The following PTPRD variants were observed in gnomAD, a reference collection of about 807,000 sequenced individuals.
PTPRD encodes protein tyrosine phosphatase receptor type D.
In PTPRD, 34 loss-of-function variants were observed where a neutral mutation model predicts 214.5. The ratio of observed to expected loss-of-function variants is 0.16; its 90% CI spans 0.12 to 0.21. PTPRD has a LOEUF of 0.21. Among genes scored for constraint, PTPRD ranks in the 10% least tolerant of loss-of-function variants. PTPRD has a pLI of 1.00. For missense variants in PTPRD, 2,545 were observed against 2,398.7 expected (o/e 1.06, Z -1.27); for synonymous variants, 1,128 against 845.7 (o/e 1.33, Z -5.79).
At chr9:8,446,855 A>C (rs375212964) in intron 34 of PTPRD, among the ~76,000 whole-genome samples, 9 of 152,326 alleles carry the variant, frequency 5.9e-5, no homozygotes, top group East Asian at 1.9e-4. Context: ...GGAGAAGAAC[A>C]ACCACAAAAG....
chr9:9,573,480 A>C (rs1000352215), intron 8 of PTPRD, among the ~76,000 whole-genome samples: 7 of 151,542 alleles, frequency 4.6e-5, no homozygotes, highest in African/African-American at 9.7e-5. Context: ...ACAATTCACT[A>C]AAACTGCGCA....
chr9:10,261,018 G>T (rs1163740722), intron 3 of PTPRD, among the ~76,000 whole-genome samples: 1 of 115,542 alleles, frequency 8.7e-6, no homozygotes, highest in Admixed American at 7.9e-5. Context: ...GTATATATGT[G>T]TGTATATATA....
rs145396201 is a variant in PTPRD, at chr9:10,131,295, C to A, written c.-544-97505G>T. Among the ~76,000 whole-genome samples the A allele has an allele frequency of 7.9e-3, 1,203 of 152,168 alleles. 11 individuals carry two copies. The highest frequency in any genetic ancestry group is 0.027 in the African/African-American group (1,107 of 41,536). On this transcript the variant is annotated intron_variant, in intron 3 of 45. Transcript: ENST00000381196. The stretch of plus-strand genomic sequence containing the variant: ...AGTTCTGTCCCTTAGACACTAGATA[C>A]CATAGTGTAACTTTTATGCATCAGC...
chr9:10,175,642 A>T (rs2099243589), intron 3 of PTPRD, among the ~76,000 whole-genome samples: 1 of 152,030 alleles, frequency 6.6e-6, no homozygotes, highest in Admixed American at 6.6e-5. Flanking sequence ...TGTGGTACAG[A>T]TTGTTATATT....
chr9:9,913,936 C>T (rs946804175), intron 5 of PTPRD, among the ~76,000 whole-genome samples: 1 of 152,166 alleles, frequency 6.6e-6, no homozygotes, highest in Non-Finnish European at 1.5e-5. Flanking sequence ...ACACAGGGCA[C>T]CATCTTCATT....
In PTPRD at chr9:8,487,234, ACTT is replaced by A. The variant is rs376068162; in HGVS notation, c.2468-888_2468-886del. On this transcript the variant is annotated intron_variant, in intron 27 of 45. Transcript: ENST00000381196. ...TAATTATTAATAATCTGAATATTAA[ACTT>A]CTTATGGTGAAAGGCTAGCTTCCAA... Among the ~76,000 whole-genome samples the A allele has an allele frequency of 1.4e-3, 218 of 152,306 alleles. 2 individuals are homozygous for A. The highest frequency in any genetic ancestry group is 5.0e-3 in the African/African-American group (208 of 41,566).
intron 44 of PTPRD, among the ~76,000 whole-genome samples, chr9:8,327,599 T>G (rs1413722767): frequency 6.6e-6 from 1 of 152,154 alleles, no homozygotes; most frequent in African/African-American, 2.4e-5. Context: ...CTTGCTAATG[T>G]TCTATCTCAT....
At chr9:10,327,461 T>C (rs2096665263) in intron 3 of PTPRD, among the ~76,000 whole-genome samples, 1 of 151,424 alleles carries the variant, frequency 6.6e-6, no homozygotes. Flanking sequence ...TATTGTAAGG[T>C]CTCACGTGTG....
chr9:8,871,707 C>T (rs1031410594), intron 11 of PTPRD, among the ~76,000 whole-genome samples: 1 of 152,004 alleles, frequency 6.6e-6, no homozygotes, highest in Non-Finnish European at 1.5e-5. Flanking sequence ...AAAACTTTAC[C>T]AATGAGAAAG....
chr9:9,071,088 A>AT (rs1016125847), intron 10 of PTPRD, among the ~76,000 whole-genome samples: 24 of 152,140 alleles, frequency 1.6e-4, no homozygotes, highest in African/African-American at 5.1e-4. Flanking sequence ...TAATCTTTTA[A>AT]TTTTTTTGTA....
intron 14 of PTPRD, among the ~76,000 whole-genome samples, chr9:8,549,636 G>T (rs907955565): frequency 6.6e-6 from 1 of 152,054 alleles, no homozygotes; most frequent in Non-Finnish European, 1.5e-5. Flanking sequence ...TTGTGAGGAG[G>T]GGCATATGAG....
intron 14 of PTPRD, among the ~76,000 whole-genome samples, chr9:8,542,109 G>T (rs2078597623): frequency 6.6e-6 from 1 of 152,072 alleles, no homozygotes; most frequent in Non-Finnish European, 1.5e-5. Flanking sequence ...AGGGTTTCAG[G>T]CAAAACCTGA....
intron 7 of PTPRD, among the ~76,000 whole-genome samples, chr9:9,670,894 G>A (rs1326393825): frequency 6.6e-6 from 1 of 152,208 alleles, no homozygotes; most frequent in Non-Finnish European, 1.5e-5. Context: ...CTCTGTTAGG[G>A]CTGTGAGGAA....
chr9:10,046,313 T>C (rs975787139), intron 3 of PTPRD, among the ~76,000 whole-genome samples: 4 of 151,892 alleles, frequency 2.6e-5, no homozygotes, highest in African/African-American at 9.7e-5. Context: ...ACTGCATCTT[T>C]GAACTTCTAA....
chr9:10,198,892 A>T (rs568367719), intron 3 of PTPRD, among the ~76,000 whole-genome samples: 31 of 152,244 alleles, frequency 2.0e-4, no homozygotes, highest in African/African-American at 7.5e-4. Context: ...ATAAAAAGAC[A>T]CATGTTAAAG....
intron 4 of PTPRD, among the ~76,000 whole-genome samples, chr9:9,960,259 G>C (rs528274979): frequency 6.6e-6 from 1 of 151,268 alleles, no homozygotes; most frequent in African/African-American, 2.4e-5. Flanking sequence ...AGGAGCCCAG[G>C]AGCAACTGGG....
intron 44 of PTPRD, among the ~76,000 whole-genome samples, chr9:8,323,262 A>G (rs1454908803): frequency 1.3e-5 from 2 of 152,228 alleles, no homozygotes; most frequent in East Asian, 1.9e-4. Context: ...GGAATGTACA[A>G]GGAGATTAAT....
chr9:8,994,174 C>T (rs2099387850), intron 11 of PTPRD, among the ~76,000 whole-genome samples: 1 of 152,120 alleles, frequency 6.6e-6, no homozygotes, highest in South Asian at 2.1e-4. Context: ...CTTTCTGTCT[C>T]AGTCTCCCTC....
chr9:10,344,638 C>T lies in PTPRD; in HGVS notation c.-599-3621G>A, dbSNP rs141097167. On this transcript the variant is annotated intron_variant, in intron 2 of 45. Coordinates refer to ENST00000381196, the MANE Select transcript of PTPRD (RefSeq NM_002839.4). The stretch of plus-strand genomic sequence containing the variant: ...ACCTTGGGTAGTATGGCCATTTTCA[C>T]GATATTGATTCTTCCTATCCATGAG... 2.1e-3 allele frequency among the ~76,000 whole-genome samples: 320 copies of T among 152,128 alleles called. 1 individual carries two copies. Among genetic ancestry groups the T allele is most frequent in the African/African-American group, 7.1e-3 (293 of 41,530 alleles).
Sources: gnomAD v4.1 joint callset for allele counts (sites outside exome capture counted in the v4.1 genomes callset) on GRCh38, gnomAD v4.1.1 for gene constraint, MANE v1.5 for transcripts, NCBI Gene and HGNC (gene_info 2026-07-23, HGNC 2026-07-21) for gene names.